The following HS6ST3 variants were observed in gnomAD, a reference collection of about 807,000 sequenced individuals.
HS6ST3 encodes heparan-sulfate 6-O-sulfotransferase 3.
Under a neutral mutation model 36.7 loss-of-function variants are expected in HS6ST3, and 12 were observed. The ratio of observed to expected loss-of-function variants is 0.33; its 90% confidence interval spans 0.21 to 0.53. HS6ST3 has a LOEUF of 0.53. Ranked by LOEUF, HS6ST3 falls within the 20% of genes least tolerant of loss-of-function variation. The pLI is 0.95. For synonymous variants in HS6ST3, 240 were observed against 257.5 expected (o/e 0.93, Z 0.65); for missense variants, 584 against 640.9 (o/e 0.91, Z 0.96).
chr13:96,491,741 T>G (rs1446158693), intron 1 of HS6ST3, among the ~76,000 whole-genome samples: 4 of 152,178 alleles, frequency 2.6e-5, no homozygotes, highest in Non-Finnish European at 5.9e-5. Flanking sequence ...CCTCTTCCAG[T>G]CTCTGTCACA....
intron 1 of HS6ST3, among the ~76,000 whole-genome samples, chr13:96,153,532 C>T (rs2054097061): frequency 1.3e-5 from 2 of 152,072 alleles, no homozygotes; most frequent in South Asian, 2.1e-4. Flanking sequence ...GTTGTAGCTC[C>T]TCTGAAAATG....
At chr13:96,423,995 T>A (rs1410893513) in intron 1 of HS6ST3, among the ~76,000 whole-genome samples, 1 of 152,228 alleles carries the variant, frequency 6.6e-6, no homozygotes, top group Non-Finnish European at 1.5e-5. Flanking sequence ...ATTCCAATTT[T>A]ACACTTCATA....
intron 1 of HS6ST3, among the ~76,000 whole-genome samples, chr13:96,698,718 G>A (rs1875200481): frequency 2.0e-5 from 3 of 152,124 alleles, no homozygotes; most frequent in Admixed American, 6.5e-5. Flanking sequence ...TCCCCATCAA[G>A]CTACCAACAA....
At chr13:96,152,950 G>A (rs886240116) in intron 1 of HS6ST3, among the ~76,000 whole-genome samples, 1 of 152,074 alleles carries the variant, frequency 6.6e-6, no homozygotes, top group Non-Finnish European at 1.5e-5. Context: ...TTTAATGCAC[G>A]CTGTTCGCAT....
chr13:96,214,134 A>T (rs2054412666), intron 1 of HS6ST3, among the ~76,000 whole-genome samples: 1 of 152,184 alleles, frequency 6.6e-6, no homozygotes, highest in Non-Finnish European at 1.5e-5. Context: ...TGTATGTCTA[A>T]CCAAAAACTT....
chr13:96,398,978 A>T (rs2055435597), intron 1 of HS6ST3, among the ~76,000 whole-genome samples: 1 of 152,168 alleles, frequency 6.6e-6, no homozygotes, highest in South Asian at 2.1e-4. Flanking sequence ...AACAGAATGC[A>T]CCTTGGTTGA....
intron 1 of HS6ST3, among the ~76,000 whole-genome samples, chr13:96,828,581 C>A (rs1442442961): frequency 1.3e-5 from 2 of 152,088 alleles, no homozygotes; most frequent in Admixed American, 1.3e-4. Context: ...TAATCTTGGG[C>A]AGCTTATTTT....
At chr13:96,221,943 A>AG (rs2054457645) in intron 1 of HS6ST3, among the ~76,000 whole-genome samples, 1 of 152,206 alleles carries the variant, frequency 6.6e-6, no homozygotes, top group African/African-American at 2.4e-5. Context: ...AGTTGTAATA[A>AG]ATGTTCTTTT....
At chr13:96,673,686 T>C (rs1330250092) in intron 1 of HS6ST3, among the ~76,000 whole-genome samples, 3 of 152,166 alleles carry the variant, frequency 2.0e-5, no homozygotes, top group Non-Finnish European at 4.4e-5. Context: ...TTGTGTTTTC[T>C]GTTTCTTGAA....
At chr13:96,152,623 C>T (rs2054091858) in intron 1 of HS6ST3, among the ~76,000 whole-genome samples, 1 of 152,134 alleles carries the variant, frequency 6.6e-6, no homozygotes, top group South Asian at 2.1e-4. Context: ...AGGCCTGAGC[C>T]ACCGCGCCTG....
intron 1 of HS6ST3, among the ~76,000 whole-genome samples, chr13:96,175,437 G>T (rs1271876526): frequency 6.6e-6 from 1 of 151,872 alleles, no homozygotes; most frequent in African/African-American, 2.4e-5. Flanking sequence ...GGTCAGGTTG[G>T]ATTTCTGTTT....
chr13:96,459,617 A>G (rs866704693), intron 1 of HS6ST3, among the ~76,000 whole-genome samples: 2 of 152,144 alleles, frequency 1.3e-5, no homozygotes, highest in Non-Finnish European at 2.9e-5. Flanking sequence ...TAATTCCTAC[A>G]TATTCATTTG....
chr13:96,382,603 T>A (rs76651186), intron 1 of HS6ST3, among the ~76,000 whole-genome samples: 1,578 of 152,336 alleles, frequency 0.01, 8 homozygotes, highest in Non-Finnish European at 0.017. Context: ...CAGTAAGTTT[T>A]GCAATAATAT....
At chr13:96,334,793 G>A (rs1307380622) in intron 1 of HS6ST3, among the ~76,000 whole-genome samples, 1 of 152,176 alleles carries the variant, frequency 6.6e-6, no homozygotes, top group Non-Finnish European at 1.5e-5. Context: ...AATTATGGGA[G>A]CTACAATTCA....
chr13:96,140,878 G>A (rs944179212), intron 1 of HS6ST3, among the ~76,000 whole-genome samples: 4 of 152,180 alleles, frequency 2.6e-5, no homozygotes, highest in African/African-American at 9.7e-5. Context: ...AAGGATCAAA[G>A]CTGGAGAATT....
intron 1 of HS6ST3, among the ~76,000 whole-genome samples, chr13:96,649,633 C>G (rs923800629): frequency 2.0e-5 from 3 of 152,066 alleles, no homozygotes; most frequent in African/African-American, 7.2e-5. Context: ...TCCACTTCCT[C>G]CACCTCCATT....
intron 1 of HS6ST3, among the ~76,000 whole-genome samples, chr13:96,422,805 G>A (rs2055568244): frequency 6.6e-6 from 1 of 152,020 alleles, no homozygotes; most frequent in Non-Finnish European, 1.5e-5. Context: ...CTAGCCAAAG[G>A]CAATAATAAA....
chr13:96,134,436 T>C (rs1269021865), intron 1 of HS6ST3, among the ~76,000 whole-genome samples: 2 of 152,010 alleles, frequency 1.3e-5, no homozygotes, highest in Non-Finnish European at 2.9e-5. Flanking sequence ...TTAATATTTT[T>C]TATTTTGCTC....
intron 1 of HS6ST3, among the ~76,000 whole-genome samples, chr13:96,819,326 A>G (rs940913199): frequency 1.3e-4 from 20 of 152,178 alleles, no homozygotes; most frequent in African/African-American, 4.1e-4. Flanking sequence ...CTGGAACACT[A>G]CCTACTTAGA....
Sources: gnomAD v4.1 joint callset for allele counts (sites outside exome capture counted in the v4.1 genomes callset) on GRCh38, gnomAD v4.1.1 for gene constraint, MANE v1.5 for transcripts, NCBI Gene and HGNC (gene_info 2026-07-23, HGNC 2026-07-21) for gene names.